Variants in STXBP5L observed in about 807,000 individuals in gnomAD.
The protein encoded by STXBP5L is syntaxin-binding protein 5-like.
Under a neutral mutation model 144.5 loss-of-function variants are expected in STXBP5L, and 65 were observed. That is an observed-to-expected ratio of 0.45 (90% CI 0.37 to 0.55). STXBP5L has a LOEUF of 0.55. STXBP5L is among the 20% of genes least tolerant of loss of function. The pLI is 0.00. For missense variants in STXBP5L, 1,298 were observed against 1,405.5 expected (o/e 0.92, Z 1.22); for synonymous variants, 505 against 469.6 (o/e 1.08, Z -0.97).
chr3:120,915,986 A>C (rs1709081540), intron 2 of STXBP5L, among the ~76,000 whole-genome samples: 1 of 152,180 alleles, frequency 6.6e-6, no homozygotes, highest in Admixed American at 6.5e-5. Flanking sequence ...TATTGTATTT[A>C]TTATACACCT....
intron 9 of STXBP5L, 76 bp downstream of exon 9, chr3:121,157,703 A>G (rs1435355242): frequency 6.6e-7 from 1 of 1,526,710 alleles, no homozygotes; most frequent in Non-Finnish European, 8.7e-7. Context: ...GATGGTATTA[A>G]TGCGTTTGGT....
chr3:120,927,544 T>G (rs1282457536), intron 2 of STXBP5L, among the ~76,000 whole-genome samples: 1 of 152,228 alleles, frequency 6.6e-6, no homozygotes, highest in Non-Finnish European at 1.5e-5. Context: ...GGAAGCTGGT[T>G]GTCTACCTTG....
At chr3:120,971,413 C>T (rs73185496) in intron 3 of STXBP5L, among the ~76,000 whole-genome samples, 18,997 of 151,726 alleles carry the variant, frequency 0.13, 1,578 homozygotes, top group Non-Finnish European at 0.19. Context: ...CTTTTGGAGC[C>T]TCCAATGTCT....
At chr3:121,073,954 C>T (rs1166408387) in intron 5 of STXBP5L, among the ~76,000 whole-genome samples, 1 of 152,196 alleles carries the variant, frequency 6.6e-6, no homozygotes, top group African/African-American at 2.4e-5. Context: ...TTTCCTTAGA[C>T]ACCTTATAGC....
intron 3 of STXBP5L, among the ~76,000 whole-genome samples, chr3:120,991,882 A>G (rs1421751897): frequency 6.6e-6 from 1 of 152,238 alleles, no homozygotes; most frequent in Non-Finnish European, 1.5e-5. Context: ...TAATGGGTGC[A>G]GCATACCAAC....
chr3:121,050,237 A>C (rs1426772553), intron 5 of STXBP5L, among the ~76,000 whole-genome samples: 3 of 151,998 alleles, frequency 2.0e-5, no homozygotes, highest in African/African-American at 7.2e-5. Context: ...CCAAATCTCT[A>C]AACTTAGTCT....
At chr3:121,279,294 T>A (rs2050976910) in intron 18 of STXBP5L, among the ~76,000 whole-genome samples, 1 of 151,880 alleles carries the variant, frequency 6.6e-6, no homozygotes, top group Non-Finnish European at 1.5e-5. Flanking sequence ...ACATTTAACT[T>A]TTTGTATCTC....
At chr3:120,991,410 G>A (rs1942855824) in intron 3 of STXBP5L, among the ~76,000 whole-genome samples, 2 of 151,902 alleles carry the variant, frequency 1.3e-5, no homozygotes, top group South Asian at 4.2e-4. Context: ...AACCATTGTG[G>A]AAGTCAGTGT....
At chr3:121,177,583 GA>G (rs1391788436) in intron 9 of STXBP5L, among the ~76,000 whole-genome samples, 1 of 152,090 alleles carries the variant, frequency 6.6e-6, no homozygotes, top group Non-Finnish European at 1.5e-5. Context: ...CATCCATTAG[GA>G]TGATTACTGT....
intron 8 of STXBP5L, among the ~76,000 whole-genome samples, chr3:121,155,460 G>GT (rs1156980329): frequency 6.6e-6 from 1 of 151,736 alleles, no homozygotes; most frequent in African/African-American, 2.4e-5. Flanking sequence ...TTGTTATCCA[G>GT]TTTTTTGGAT....
chr3:121,390,816 A>T (rs2108705423), intron 22 of STXBP5L, among the ~76,000 whole-genome samples: 1 of 149,294 alleles, frequency 6.7e-6, no homozygotes, highest in East Asian at 2.0e-4. Context: ...TGCCCTTAAC[A>T]TTTTTTCCTT....
At chr3:120,974,643 G>C (rs182371059) in intron 3 of STXBP5L, among the ~76,000 whole-genome samples, 5 of 152,144 alleles carry the variant, frequency 3.3e-5, no homozygotes, top group East Asian at 1.9e-4. Context: ...ATGTTAATGC[G>C]TAGGTTTTCT....
chr3:121,006,539 A>T (rs899013445), intron 3 of STXBP5L, among the ~76,000 whole-genome samples: 5 of 152,172 alleles, frequency 3.3e-5, no homozygotes, highest in Admixed American at 3.3e-4. Context: ...TGGGGCATTT[A>T]GCCCATTTAC....
chr3:121,027,422 A>G (rs1946028856), intron 3 of STXBP5L, among the ~76,000 whole-genome samples: 1 of 152,138 alleles, frequency 6.6e-6, no homozygotes, highest in African/African-American at 2.4e-5. Context: ...TGGAGATCAG[A>G]ATCCCAAAAT....
At chr3:121,220,986 C>T (rs2048955364) in intron 10 of STXBP5L, among the ~76,000 whole-genome samples, 1 of 151,836 alleles carries the variant, frequency 6.6e-6, no homozygotes, top group South Asian at 2.1e-4. Flanking sequence ...TTACTAGAGG[C>T]AATATATAGG....
intron 9 of STXBP5L, among the ~76,000 whole-genome samples, chr3:121,176,145 T>G (rs902138734): frequency 1.3e-5 from 2 of 152,034 alleles, no homozygotes; most frequent in Admixed American, 6.6e-5. Context: ...CTCTCTGTAA[T>G]TGATAGAACA....
intron 20 of STXBP5L, among the ~76,000 whole-genome samples, chr3:121,365,421 GA>G (rs2045836039): frequency 1.8e-5 from 1 of 55,312 alleles, no homozygotes; most frequent in Non-Finnish European, 3.4e-5. Context: ...TTAATCAGAA[GA>G]TTTTTTTTTG....
chr3:121,066,292 C>T (rs2041538614), intron 5 of STXBP5L, among the ~76,000 whole-genome samples: 1 of 151,538 alleles, frequency 6.6e-6, no homozygotes, highest in South Asian at 2.1e-4. Context: ...GTGATATTTG[C>T]TGGAAGATTT....
At chr3:121,189,155 C>A (rs1046309513) in intron 9 of STXBP5L, among the ~76,000 whole-genome samples, 1 of 152,174 alleles carries the variant, frequency 6.6e-6, no homozygotes, top group Admixed American at 6.5e-5. Context: ...CAAAAATTTT[C>A]TCCCATTCTT....
Sources: allele counts gnomAD v4.1 joint callset (sites outside exome capture counted in the v4.1 genomes callset), GRCh38; gene constraint gnomAD v4.1.1; transcripts MANE v1.5; gene names NCBI Gene and HGNC (gene_info 2026-07-23, HGNC 2026-07-21).